Variants in INSL6 observed in about 807,000 individuals in gnomAD.
INSL6 encodes insulin-like peptide INSL6.
Under a neutral mutation model 9.4 loss-of-function variants are expected in INSL6, and 16 were observed. The ratio of observed to expected loss-of-function variants is 1.70; its 90% CI spans 1.15 to 2.59. The LOEUF is 2.59. INSL6 is among the 30% of genes most tolerant of loss of function. INSL6 has a pLI of 0.00. For synonymous variants in INSL6, 154 were observed against 96.9 expected, an observed-to-expected ratio of 1.59 and a Z score of -3.46; for missense variants, 391 against 257.3, an observed-to-expected ratio of 1.52 and a Z score of -3.56.
the INSL6 span, chr9:5,069,953 G>C: frequency 6.2e-7 from 1 of 1,601,962 alleles, no homozygotes. Context: ...TCTTCAGAAC[G>C]AATGGTGTTT....
intron 1 of INSL6, among the ~76,000 whole-genome samples, chr9:5,173,774 A>G (rs942374127): frequency 1.4e-5 from 2 of 140,084 alleles, no homozygotes; most frequent in South Asian, 4.8e-4. Flanking sequence ...TAAAAATAAA[A>G]TTAAAAAAAA....
chr9:5,055,589 A>G, the INSL6 span: 1 of 1,109,928 alleles, frequency 9.0e-7, no homozygotes, highest in East Asian at 2.5e-5. Context: ...ATTTGGAAAG[A>G]ATGTTGTCTT....
At chr9:5,154,729 C>T (rs930366281) in intron 2 of INSL6, among the ~76,000 whole-genome samples, 1 of 152,210 alleles carries the variant, frequency 6.6e-6, no homozygotes, top group African/African-American at 2.4e-5. Context: ...AAAAAATGCT[C>T]ATCACCACTG....
chr9:5,089,699 G>C, the INSL6 span: 1 of 1,461,784 alleles, frequency 6.8e-7, no homozygotes, highest in Non-Finnish European at 9.1e-7. Flanking sequence ...GTGGAGATGT[G>C]CCGGTATGAC....
At chr9:5,073,471 T>G in the INSL6 span, among the ~76,000 whole-genome samples, 1 of 152,160 alleles carries the variant, frequency 6.6e-6, no homozygotes, top group South Asian at 2.1e-4. Context: ...GTACCACTCT[T>G]GCTCTCTCTC....
At chr9:5,121,757 G>C (rs1823630524), downstream of INSL6, among the ~76,000 whole-genome samples, 1 of 152,120 alleles carries the variant, frequency 6.6e-6, no homozygotes, top group South Asian at 2.1e-4. Context: ...TTTTCAACAA[G>C]GGGAATTAAT....
intron 1 of INSL6, among the ~76,000 whole-genome samples, chr9:5,166,121 G>A (rs915080109): frequency 1.3e-5 from 2 of 152,222 alleles, no homozygotes; most frequent in African/African-American, 4.8e-5. Flanking sequence ...AGGATTCTAT[G>A]AGGTTTGTCA....
At chr9:5,031,146 T>C in the INSL6 span, among the ~76,000 whole-genome samples, 33 of 152,322 alleles carry the variant, frequency 2.2e-4, 1 homozygote, top group Admixed American at 1.6e-3. Context: ...ATTTCTCTTA[T>C]GCTATATCCT....
chr9:5,051,164 T>C, the INSL6 span, among the ~76,000 whole-genome samples: 8 of 152,274 alleles, frequency 5.3e-5, no homozygotes, highest in African/African-American at 1.9e-4. Flanking sequence ...TAATAAAAAA[T>C]CATATGGGTA....
the INSL6 span, among the ~76,000 whole-genome samples, chr9:5,107,540 G>T: frequency 2.0e-5 from 3 of 151,878 alleles, no homozygotes; most frequent in Admixed American, 2.0e-4. Context: ...ATTTACAAAA[G>T]AACTCAAAAA....
intron 2 of INSL6, among the ~76,000 whole-genome samples, chr9:5,139,978 G>GT (rs1209339803): frequency 2.6e-5 from 4 of 152,076 alleles, no homozygotes; most frequent in Non-Finnish European, 5.9e-5. Context: ...AGACTGAAAT[G>GT]TATCTTTAGA....
At chr9:5,111,146 C>A in the INSL6 span, 1 of 918,250 alleles carries the variant, frequency 1.1e-6, no homozygotes, top group Non-Finnish European at 1.7e-6. Flanking sequence ...AGCGAAGGCG[C>A]TCAACTTGCT....
At chr9:5,006,149 T>A in the INSL6 span, among the ~76,000 whole-genome samples, 10 of 152,188 alleles carry the variant, frequency 6.6e-5, no homozygotes, top group Non-Finnish European at 1.2e-4. Flanking sequence ...TTCCATTTGT[T>A]TGTATCCTCT....
At chr9:4,998,188 T>C in the INSL6 span, among the ~76,000 whole-genome samples, 7 of 152,288 alleles carry the variant, frequency 4.6e-5, no homozygotes, top group East Asian at 1.3e-3. Context: ...TAAAAATGTC[T>C]TGGTAATACA....
chr9:5,097,641 G>A, the INSL6 span: 2 of 152,150 alleles, frequency 1.3e-5, no homozygotes, highest in East Asian at 1.9e-4. Context: ...TAGCTACACT[G>A]CGTGGTGGTA....
chr9:5,112,516 C>A, the INSL6 span: 2 of 580,300 alleles, frequency 3.4e-6, no homozygotes, highest in Admixed American at 5.4e-5. Context: ...CCTTTTCCCC[C>A]CAGAGCAGAA....
the INSL6 span, among the ~76,000 whole-genome samples, chr9:5,075,641 A>C: frequency 1.3e-5 from 2 of 152,316 alleles, no homozygotes; most frequent in East Asian, 1.9e-4. Flanking sequence ...AGTATTACTG[A>C]TCATTGACAA....
chr9:5,043,626 C>T, the INSL6 span, among the ~76,000 whole-genome samples: 1 of 152,166 alleles, frequency 6.6e-6, no homozygotes, highest in Non-Finnish European at 1.5e-5. Context: ...GAAAACATAT[C>T]CACAAAAACT....
chr9:5,118,516 G>A, the INSL6 span, among the ~76,000 whole-genome samples: 1 of 152,246 alleles, frequency 6.6e-6, no homozygotes, highest in Non-Finnish European at 1.5e-5. Context: ...AACAAATTTG[G>A]ATAATTGCTT....
Sources: allele counts gnomAD v4.1 joint callset (sites outside exome capture counted in the v4.1 genomes callset), GRCh38; gene constraint gnomAD v4.1.1; transcripts MANE v1.5; gene names NCBI Gene and HGNC (gene_info 2026-07-23, HGNC 2026-07-21).